RCC2: variants seen among roughly 807,000 people sequenced by gnomAD.
RCC2 encodes protein RCC2.
A neutral mutation model predicts 64.1 loss-of-function variants in RCC2; 19 were observed. That is an observed-to-expected ratio of 0.30 (90% CI 0.21 to 0.44). The LOEUF (loss-of-function observed/expected upper bound fraction) is 0.44. RCC2 is among the 20% of genes least tolerant of loss of function. The pLI is 1.00. For missense variants in RCC2, 508 were observed against 710.4 expected (o/e 0.72, Z 3.24); for synonymous variants, 325 against 279.6 (o/e 1.16, Z -1.62).
At chr1:17,431,359 A>AAAAAAAAAAATAT (rs1553158471) in intron 2 of RCC2, among the ~76,000 whole-genome samples, 63 of 44,808 alleles carry the variant, frequency 1.4e-3, no homozygotes, top group Non-Finnish European at 2.0e-3. Flanking sequence ...AAAAAAAAAA[A>AAAAAAAAAAATAT]ATATATATAT....
At chr1:17,431,359 A>AAAATATATATATAT (rs1553158471) in intron 2 of RCC2, among the ~76,000 whole-genome samples, 3 of 44,928 alleles carry the variant, frequency 6.7e-5, no homozygotes, top group East Asian at 6.1e-4. Flanking sequence ...AAAAAAAAAA[A>AAAATATATATATAT]ATATATATAT....
chr1:17,412,005 G>A, intron 11 of RCC2, 117 bp downstream of exon 11: 3 of 870,616 alleles, frequency 3.4e-6, no homozygotes, highest in Non-Finnish European at 5.7e-6. Flanking sequence ...ACAATAAGGG[G>A]GGAATCCCAA....
intron 2 of RCC2, among the ~76,000 whole-genome samples, chr1:17,436,561 G>C (rs755314628): frequency 6.6e-6 from 1 of 152,174 alleles, no homozygotes; most frequent in Non-Finnish European, 1.5e-5. Context: ...GCTTCAAGCA[G>C]CACAGCTGGA....
intron 2 of RCC2, among the ~76,000 whole-genome samples, chr1:17,437,989 C>T (rs1458121474): frequency 6.8e-6 from 1 of 146,104 alleles, no homozygotes; most frequent in Non-Finnish European, 1.5e-5. Context: ...GGCGCGCGCC[C>T]CAACCGCCAA....
rs557479197 is a variant in RCC2 at position 17,408,663 on chromosome 1, G to A, written c.*427C>T. 6.0e-6 allele frequency: 1 copy of A among 166,036 alleles called. No homozygotes were observed. Among genetic ancestry groups the A allele is most frequent in the Non-Finnish European group, 1.3e-5 (1 of 77,038 alleles). 10.3% of individuals were successfully genotyped at this position (166,036 alleles called of 1,614,324 possible). ...GCCTAGCTGCTGCCGGTTCCTGTAA[G>A]GGACATTTTTTCTGAGTAAATGGCG... On this transcript the variant is annotated 3_prime_UTR_variant, in exon 13 of 13. Coordinates refer to ENST00000375436, the MANE Select transcript of RCC2 (RefSeq NM_018715.4).
chr1:17,409,962 G>A lies in RCC2; in HGVS notation c.1464+12C>T. On this transcript the variant is annotated intron_variant, in intron 12 of 12. Coordinates refer to ENST00000375436, the MANE Select transcript of RCC2 (RefSeq NM_018715.4). Reference sequence around the variant, plus strand: ...GACACGTCCCCGAGCTGGCACAGCTGCCCCCACTCACCTGCTCTGAGAAAA... The same window carrying A: ...GACACGTCCCCGAGCTGGCACAGCTACCCCCACTCACCTGCTCTGAGAAAA... 1 of 1,611,950 alleles carries A rather than the reference G, an allele frequency of 6.2e-7. No homozygotes were observed. Among genetic ancestry groups the A allele is most frequent in the Non-Finnish European group, 8.5e-7 (1 of 1,178,030 alleles).
intron 6 of RCC2, 27 bp from the exon 7 acceptor site, chr1:17,420,855 ATT>A: frequency 6.9e-7 from 1 of 1,451,522 alleles, no homozygotes; most frequent in Non-Finnish European, 9.5e-7. Flanking sequence ...GGAGACTTTC[ATT>A]TTTTTTAAAG....
intron 2 of RCC2, among the ~76,000 whole-genome samples, chr1:17,433,450 G>T (rs1483850120): frequency 6.6e-6 from 1 of 152,250 alleles, no homozygotes; most frequent in African/African-American, 2.4e-5. Flanking sequence ...GCCAGTGGGT[G>T]TGTGGGTGTC....
chr1:17,437,658 G>A (rs1218917209), intron 2 of RCC2, among the ~76,000 whole-genome samples: 1 of 3,698 alleles, frequency 2.7e-4, no homozygotes, highest in Non-Finnish European at 7.6e-4. Context: ...CCGACCTCGG[G>A]GGAGGGCTCT....
In RCC2 at chr1:17,409,243, C is replaced by T. The variant is rs7512868; in HGVS notation, c.1465-49G>A. Reference sequence around the variant, plus strand: ...GTGTGCCTGAGGCGCCTGGACTAATCAATGCGTTGAAGAGACTCTGGAAAC... The same window carrying T: ...GTGTGCCTGAGGCGCCTGGACTAATTAATGCGTTGAAGAGACTCTGGAAAC... On this transcript the variant is annotated intron_variant, in intron 12 of 12. Transcript: ENST00000375436. 161 of 1,183,148 alleles carry T rather than the reference C, an allele frequency of 1.4e-4. No homozygotes were observed. The African/African-American group carries it at 2.3e-3, about 17-fold the overall frequency. The allele number at this position is 1,183,148 out of a possible 1,614,324, so 73.3% of individuals were successfully genotyped here. A position where few individuals can be genotyped will look rare whatever the true frequency, so the allele number is the denominator to read the frequency against.
chr1:17,416,415 C>G, intron 8 of RCC2, 65 bp downstream of exon 8: 1 of 1,526,558 alleles, frequency 6.6e-7, no homozygotes, highest in Middle Eastern at 2.4e-4. Context: ...CGTCAGGAAA[C>G]TTGAGCATAA....
chr1:17,425,251 A>G (rs1055451196), intron 4 of RCC2, among the ~76,000 whole-genome samples: 3 of 152,178 alleles, frequency 2.0e-5, no homozygotes, highest in South Asian at 4.1e-4. Context: ...TCAGTATCAG[A>G]AAAGATCAAG....
rs778493964 is a variant in RCC2, at chr1:17,411,484, G to C, written c.1386+638C>G. ...CCAGCTACTCAGGAGGCTGAAGCAG[G>C]AGAACTGAGAATCATTTGAACCTGG... On this transcript the variant is annotated intron_variant, in intron 11 of 12. Transcript: ENST00000375436. Among the ~76,000 whole-genome samples, 56 of 151,606 alleles carry C rather than the reference G, an allele frequency of 3.7e-4. 1 individual carries two copies. Among genetic ancestry groups the C allele is most frequent in the Middle Eastern group, 3.4e-3 (1 of 294 alleles).
chr1:17,413,058 G>C lies in RCC2; in HGVS notation c.1313+15C>G. 1 of 1,587,954 alleles carries C rather than the reference G, an allele frequency of 6.3e-7. No homozygotes were observed. Among genetic ancestry groups the C allele is most frequent in the Non-Finnish European group, 8.6e-7 (1 of 1,157,246 alleles). On this transcript the variant is annotated intron_variant, in intron 10 of 12. Coordinates refer to ENST00000375436, the MANE Select transcript of RCC2 (RefSeq NM_018715.4). ...AGGAAGAGACCTCATACCCACAGGA[G>C]ATGCTGCCACCTACCCACAAGCCAG... is the stretch of plus-strand genomic sequence containing the variant.
At chr1:17,438,144 C>T in intron 2 of RCC2, 86 bp downstream of exon 2, 1 of 1,004,114 alleles carries the variant, frequency 1.0e-6, no homozygotes, top group Non-Finnish European at 1.2e-6. Flanking sequence ...GCGAGGCGGC[C>T]CCCGGCTGGA....
At position 17,409,039 on chromosome 1, in the gene RCC2, G is replaced by A; in HGVS notation, c.*51C>T. Reference sequence around the variant, plus strand: ...TTGACTTCCCGTCCCAGTGCACATGGAAATGACAGCTGCCGCGAGAGGTGT... The same window carrying A: ...TTGACTTCCCGTCCCAGTGCACATGAAAATGACAGCTGCCGCGAGAGGTGT... On this transcript the variant is annotated 3_prime_UTR_variant, in exon 13 of 13. Transcript: ENST00000375436. The A allele has an allele frequency of 7.5e-7, 1 of 1,335,384 alleles. No homozygotes were observed. Among genetic ancestry groups the A allele is most frequent in the Non-Finnish European group, 1.1e-6 (1 of 926,198 alleles). 82.7% of individuals were successfully genotyped at this position (1,335,384 alleles called of 1,614,324 possible).
At chr1:17,420,554 C>T (rs961505813) in intron 7 of RCC2, among the ~76,000 whole-genome samples, 160 bp downstream of exon 7, 2 of 152,106 alleles carry the variant, frequency 1.3e-5, no homozygotes, top group African/African-American at 2.4e-5. Context: ...TGAATGAGGA[C>T]GCGCTGTTCT....
At chr1:17,438,646 A>G in intron 1 of RCC2, 124 bp from the exon 2 acceptor site, 1 of 1,012,396 alleles carries the variant, frequency 9.9e-7, no homozygotes, top group Non-Finnish European at 1.3e-6. Flanking sequence ...TGGCGGCCGC[A>G]GGGTGGGCGG....
At position 17,438,471 on chromosome 1, in the gene RCC2, C is replaced by A; in HGVS notation, c.44G>T (p.Ser15Ile). Residue 15 changes from serine to isoleucine, a missense_variant, in exon 2 of 13, where the codon AGC (serine) becomes ATC (isoleucine). By Grantham distance (142) the Ser-to-Ile change is moderately radical. Coordinates refer to ENST00000375436, the MANE Select transcript of RCC2 (RefSeq NM_018715.4). ...GGCGCGGGCAGTGCCGTTGCCCGAG[C>A]TCGGCTCCTCCCAGGCCGCCGCCGC... ...KAAAAAWEEP[S>I]SGNGTARAGP... The A allele has an allele frequency of 7.5e-7, 1 of 1,337,710 alleles. No homozygotes were observed. The highest frequency in any genetic ancestry group is 2.1e-5 in the South Asian group (1 of 47,044). The allele number at this position is 1,337,710 out of a possible 1,614,324, so 82.9% of individuals were successfully genotyped here.
Sources: allele counts gnomAD v4.1 joint callset (sites outside exome capture counted in the v4.1 genomes callset), GRCh38; gene constraint gnomAD v4.1.1; transcripts MANE v1.5; gene names NCBI Gene and HGNC (gene_info 2026-07-23, HGNC 2026-07-21).